Variants in CUX1 observed in about 807,000 individuals in gnomAD.
The protein encoded by CUX1 is cut like homeobox 1.
Under a neutral mutation model 158.8 loss-of-function variants are expected in CUX1, and 31 were observed. That is an observed-to-expected ratio of 0.20 (90% CI 0.15 to 0.26). CUX1 has a LOEUF of 0.26. CUX1 is among the 10% of genes least tolerant of loss of function. The probability of loss-of-function intolerance (pLI) is 1.00; values close to 1 mark genes in which losing one functional copy is unlikely to be tolerated. For synonymous variants in CUX1, 879 were observed against 862.1 expected (o/e 1.02, Z -0.34); for missense variants, 1,589 against 2,014.6 (o/e 0.79, Z 4.04).
rs997866152 is a variant in CUX1 at position 102,074,024 on chromosome 7, C to T, written c.268+3607C>T. ...AGTTACTTGCAAAGCAGGAATGGTG[C>T]TCGGAGCACTCTCCCTGTGTTTTGA... On this transcript the variant is annotated intron_variant, in intron 4 of 23. Transcript: ENST00000292535. 3.3e-5 allele frequency among the ~76,000 whole-genome samples: 5 copies of T among 152,230 alleles called. No individual in the cohort carries two copies. In the East Asian group the frequency reaches 9.6e-4, roughly 29 times the overall value.
intron 2 of CUX1, among the ~76,000 whole-genome samples, chr7:101,984,941 A>T (rs1472348295): frequency 6.6e-6 from 1 of 152,144 alleles, no homozygotes; most frequent in Non-Finnish European, 1.5e-5. Context: ...TTATAGAGCT[A>T]TTTGGTGTGG....
At chr7:102,277,955 C>A (rs1288866751) in exon 18 of CUX1, 1 of 1,513,824 alleles carries the variant, frequency 6.6e-7, no homozygotes. Flanking sequence ...CCAGGAGAAC[C>A]GCCTGGCCCA....
chr7:101,865,402 G>A (rs570306322), intron 1 of CUX1, among the ~76,000 whole-genome samples: 13 of 152,220 alleles, frequency 8.5e-5, no homozygotes, highest in Non-Finnish European at 8.8e-5. Flanking sequence ...ACTGATGTTC[G>A]TGCAGACTAG....
At chr7:101,895,914 T>TTG (rs66772834) in intron 1 of CUX1, among the ~76,000 whole-genome samples, 25,912 of 131,010 alleles carry the variant, frequency 0.2, 3,955 homozygotes, top group East Asian at 0.81. Flanking sequence ...TTTTGTTTTT[T>TTG]TTTTTTTTTT....
rs1801746144 is a variant in CUX1 at position 102,253,493 on chromosome 7, G to T, written c.*4451G>T. On this transcript the variant is annotated 3_prime_UTR_variant, in exon 24 of 24. Coordinates refer to ENST00000292535, the MANE Select transcript of CUX1 (RefSeq NM_181552.4). ...TGGACTGGATGACTTTGTTCCTCCT[G>T]CATGCATGTCCTTTGATGCAAGGGT... is the stretch of plus-strand genomic sequence containing the variant. 2.0e-6 allele frequency: 2 copies of T among 985,488 alleles called. No individual in the cohort carries two copies. Among genetic ancestry groups the T allele is most frequent in the Non-Finnish European group, 1.2e-6 (1 of 829,958 alleles). The allele number at this position is 985,488 out of a possible 1,614,324, so 61.0% of individuals were successfully genotyped here. A position where few individuals can be genotyped will look rare whatever the true frequency, so the allele number is the denominator to read the frequency against.
At chr7:102,100,232 C>T (rs1356750124) in intron 5 of CUX1, among the ~76,000 whole-genome samples, 6 of 152,122 alleles carry the variant, frequency 3.9e-5, no homozygotes, top group African/African-American at 1.4e-4. Context: ...GAGCTAAGAT[C>T]ACACCACTGT....
chr7:102,118,044 C>T (rs1831620098), intron 8 of CUX1, among the ~76,000 whole-genome samples: 1 of 152,172 alleles, frequency 6.6e-6, no homozygotes, highest in Non-Finnish European at 1.5e-5. Flanking sequence ...TCTGAGACCT[C>T]CCCCACTGCC....
rs574876621 is a variant in CUX1, at chr7:101,950,301, C to T, written c.141+34076C>T. On this transcript the variant is annotated intron_variant, in intron 2 of 23. Coordinates refer to ENST00000292535, the MANE Select transcript of CUX1 (RefSeq NM_181552.4). ...TTGGGATTACAGGCGTGAGCCACTGCGCTCGGCCCAGAAGACTTATATTTT... is the reference window on the plus strand; with the variant it reads ...TTGGGATTACAGGCGTGAGCCACTGTGCTCGGCCCAGAAGACTTATATTTT... Among the ~76,000 whole-genome samples, 8 of 151,918 alleles carry T rather than the reference C, an allele frequency of 5.3e-5. No homozygotes were observed. In the East Asian group the frequency reaches 5.8e-4, roughly 11 times the overall value.
chr7:102,234,647 C>T (rs1334593830), intron 22 of CUX1, among the ~76,000 whole-genome samples: 2 of 151,518 alleles, frequency 1.3e-5, no homozygotes, highest in African/African-American at 2.4e-5. Flanking sequence ...AGGCAGGGCA[C>T]GGCGGCTCAC....
chr7:101,930,488 T>C (rs1254295240), intron 2 of CUX1, among the ~76,000 whole-genome samples: 1 of 152,152 alleles, frequency 6.6e-6, no homozygotes, highest in Non-Finnish European at 1.5e-5. Context: ...TTTCTTTGGC[T>C]AGGGGGATGG....
chr7:102,060,619 A>ACACACACACG (rs1458295462), intron 3 of CUX1, among the ~76,000 whole-genome samples: 2 of 150,260 alleles, frequency 1.3e-5, no homozygotes, highest in Non-Finnish European at 3.0e-5. Flanking sequence ...ACACACACAC[A>ACACACACACG]CACACACACA....
In CUX1 at chr7:101,967,404, G is replaced by A. The variant is rs111368691; in HGVS notation, c.141+51179G>A. 1.2e-4 allele frequency among the ~76,000 whole-genome samples: 19 copies of A among 152,270 alleles called. 3 individuals carry two copies. The highest frequency in any genetic ancestry group is 2.9e-4 in the African/African-American group (12 of 41,564). On this transcript the variant is annotated intron_variant, in intron 2 of 23. Transcript: ENST00000292535. ...GCCTTCACAGCTTCCGAAACACCGC[G>A]CTAGATCTGGTAGCCGCGGACAATT...
At chr7:102,235,136 C>G (rs1338682200) in intron 22 of CUX1, among the ~76,000 whole-genome samples, 2 of 152,214 alleles carry the variant, frequency 1.3e-5, no homozygotes, top group Admixed American at 6.5e-5. Context: ...GATTCATGTT[C>G]TTCTTGCAGC....
intron 4 of CUX1, among the ~76,000 whole-genome samples, chr7:102,094,526 C>T (rs1168551615): frequency 6.6e-6 from 1 of 152,198 alleles, no homozygotes; most frequent in African/African-American, 2.4e-5. Context: ...TGCTTAACCG[C>T]ATGGGAGAAG....
intron 3 of CUX1, among the ~76,000 whole-genome samples, chr7:102,043,246 C>T (rs1177512887): frequency 6.6e-6 from 1 of 151,948 alleles, no homozygotes; most frequent in African/African-American, 2.4e-5. Context: ...CCACCACACC[C>T]AGCCCAATGT....
At chr7:101,960,085 G>GTGCTTT (rs1810288983) in intron 2 of CUX1, 1 of 152,142 alleles carries the variant, frequency 6.6e-6, no homozygotes, top group African/African-American at 2.4e-5. Flanking sequence ...CCTCCGTTCG[G>GTGCTTT]TGCTTTTTTC....
chr7:102,204,671 GC>G (rs1795772197), intron 19 of CUX1, 115 bp downstream of exon 19: 1 of 1,369,286 alleles, frequency 7.3e-7, no homozygotes, highest in South Asian at 1.4e-5. Flanking sequence ...CCAGGAGGTG[GC>G]CAACCACACT....
At chr7:102,199,730 G>A (rs1428657245) in intron 16 of CUX1, among the ~76,000 whole-genome samples, 5 of 152,208 alleles carry the variant, frequency 3.3e-5, no homozygotes, top group Admixed American at 1.3e-4. Flanking sequence ...CCAAGCCACA[G>A]CAGTTGCTTC....
intron 2 of CUX1, among the ~76,000 whole-genome samples, chr7:101,942,708 C>A (rs981580213): frequency 1.3e-5 from 2 of 152,208 alleles, no homozygotes; most frequent in Non-Finnish European, 2.9e-5. Context: ...CTCAAGTGAT[C>A]CCCCTGCGTC....
Sources: allele counts gnomAD v4.1 joint callset (sites outside exome capture counted in the v4.1 genomes callset), GRCh38; gene constraint gnomAD v4.1.1; transcripts MANE v1.5; gene names NCBI Gene and HGNC (gene_info 2026-07-23, HGNC 2026-07-21).